The following CNBD1 variants were observed in gnomAD, a reference collection of about 807,000 sequenced individuals.
The protein encoded by CNBD1 is cyclic nucleotide-binding domain-containing protein 1.
In CNBD1, 71 loss-of-function variants were observed where a neutral mutation model predicts 54.4. That is an observed-to-expected ratio of 1.30 (90% CI 1.08 to 1.59). The LOEUF (loss-of-function observed/expected upper bound fraction) is 1.59. Ranked by LOEUF, CNBD1 falls within the 40% of genes most tolerant of loss-of-function variation. The probability of loss-of-function intolerance (pLI) is 0.00; values close to 1 mark genes in which losing one functional copy is unlikely to be tolerated. For synonymous variants in CNBD1, 182 were observed against 170.7 expected (o/e 1.07, Z -0.51); for missense variants, 659 against 518.0 (o/e 1.27, Z -2.64).
At chr8:87,271,610 C>T (rs9886577) in intron 6 of CNBD1, among the ~76,000 whole-genome samples, 93,512 of 151,690 alleles carry the variant, frequency 0.62, 29,078 homozygotes, top group Middle Eastern at 0.68. Context: ...GAATAACAGA[C>T]GCTGTTGAGG....
intron 10 of CNBD1, among the ~76,000 whole-genome samples, chr8:87,356,388 A>G (rs1810420648): frequency 6.6e-6 from 1 of 152,204 alleles, no homozygotes; most frequent in Non-Finnish European, 1.5e-5. Flanking sequence ...GGCCAGGCTT[A>G]TGAGGCCTTA....
chr8:87,108,950 G>A (rs1811601489), intron 4 of CNBD1, among the ~76,000 whole-genome samples: 1 of 152,004 alleles, frequency 6.6e-6, no homozygotes, highest in Non-Finnish European at 1.5e-5. Context: ...AATAGCATTT[G>A]GTAAAAGTTA....
At chr8:87,198,524 T>G (rs1813770924) in intron 4 of CNBD1, among the ~76,000 whole-genome samples, 1 of 152,176 alleles carries the variant, frequency 6.6e-6, no homozygotes, top group East Asian at 1.9e-4. Context: ...CCCGAGGACA[T>G]TCAAATGCTG....
chr8:87,258,417 T>A (rs1050675316), intron 6 of CNBD1, among the ~76,000 whole-genome samples: 1 of 136,798 alleles, frequency 7.3e-6, no homozygotes, highest in Non-Finnish European at 1.6e-5. Flanking sequence ...AATTTTTCTT[T>A]TTTTTATTTC....
intron 4 of CNBD1, among the ~76,000 whole-genome samples, chr8:87,172,153 T>C (rs1813102040): frequency 6.6e-6 from 1 of 152,062 alleles, no homozygotes; most frequent in Non-Finnish European, 1.5e-5. Context: ...CTTCTTGTTA[T>C]TAACAAGAAG....
At chr8:87,319,526 A>T (rs1194898441) in intron 8 of CNBD1, among the ~76,000 whole-genome samples, 1 of 152,094 alleles carries the variant, frequency 6.6e-6, no homozygotes, top group African/African-American at 2.4e-5. Flanking sequence ...AAAAATGAGG[A>T]AGCAAAAAAG....
At chr8:86,868,552 C>G (rs1378595025) in intron 1 of CNBD1, among the ~76,000 whole-genome samples, 1 of 136,592 alleles carries the variant, frequency 7.3e-6, no homozygotes, top group Non-Finnish European at 1.6e-5. Flanking sequence ...AGGCTGGTCT[C>G]TATCTCCTCA....
chr8:87,161,092 G>A (rs1422020202), intron 4 of CNBD1, among the ~76,000 whole-genome samples: 1 of 152,144 alleles, frequency 6.6e-6, no homozygotes, highest in South Asian at 2.1e-4. Flanking sequence ...GGGCTGGAGG[G>A]AGCCAATTCT....
chr8:87,401,086 G>T (rs780979970), intron 2 of CNBD1, among the ~76,000 whole-genome samples: 1 of 151,946 alleles, frequency 6.6e-6, no homozygotes, highest in Non-Finnish European at 1.5e-5. Context: ...GTGTACAAAA[G>T]CTTGCAGTGA....
At chr8:86,880,599 T>G (rs1808593028) in intron 1 of CNBD1, among the ~76,000 whole-genome samples, 1 of 152,196 alleles carries the variant, frequency 6.6e-6, no homozygotes, top group South Asian at 2.1e-4. Flanking sequence ...GATGGACAAC[T>G]GTATTTTGAA....
intron 4 of CNBD1, among the ~76,000 whole-genome samples, chr8:87,036,457 G>A (rs1274950723): frequency 6.6e-6 from 1 of 151,916 alleles, no homozygotes; most frequent in Non-Finnish European, 1.5e-5. Flanking sequence ...AGCCAGGCGT[G>A]GTGGTGGGCG....
chr8:87,006,683 G>A (rs187606284), intron 4 of CNBD1, among the ~76,000 whole-genome samples: 42 of 152,202 alleles, frequency 2.8e-4, no homozygotes, highest in African/African-American at 9.9e-4. Context: ...ACCATACCAG[G>A]CCTCACTTCC....
chr8:86,878,105 T>TGTGTGTGTGTGTGTGTGTGTGA (rs56785226), intron 1 of CNBD1, among the ~76,000 whole-genome samples: 1 of 140,876 alleles, frequency 7.1e-6, no homozygotes, highest in Non-Finnish European at 1.6e-5. Flanking sequence ...TGTGTGTGTG[T>TGTGTGTGTGTGTGTGTGTGTGA]GAGAGAGAGA....
At chr8:87,228,242 G>A (rs551168837) in intron 5 of CNBD1, among the ~76,000 whole-genome samples, 30 of 150,784 alleles carry the variant, frequency 2.0e-4, no homozygotes, top group African/African-American at 5.0e-4. Flanking sequence ...CTCTCAGCTC[G>A]TCAAAGTCCT....
intron 6 of CNBD1, among the ~76,000 whole-genome samples, chr8:87,270,331 A>G (rs191263311): frequency 6.6e-6 from 1 of 152,178 alleles, no homozygotes; most frequent in African/African-American, 2.4e-5. Flanking sequence ...TCAAAAGAAG[A>G]CATATATGTG....
chr8:87,172,259 G>A (rs75644178), intron 4 of CNBD1, among the ~76,000 whole-genome samples: 3,026 of 152,128 alleles, frequency 0.02, 112 homozygotes, highest in African/African-American at 0.069. Flanking sequence ...CAGTTTTTCT[G>A]AATGTTTTAA....
chr8:87,425,740 T>C (rs1448597618), intron 2 of CNBD1, among the ~76,000 whole-genome samples: 5 of 152,062 alleles, frequency 3.3e-5, no homozygotes, highest in Admixed American at 2.6e-4. Flanking sequence ...GACAGGGACA[T>C]TTAAGTCTGC....
chr8:87,098,583 A>G (rs1261785481), intron 4 of CNBD1, among the ~76,000 whole-genome samples: 2 of 152,174 alleles, frequency 1.3e-5, no homozygotes, highest in Non-Finnish European at 1.5e-5. Context: ...AAGCAAGATT[A>G]TGTGGAAATC....
intron 8 of CNBD1, among the ~76,000 whole-genome samples, chr8:87,309,829 C>G (rs1380012806): frequency 2.0e-5 from 3 of 151,906 alleles, no homozygotes. Flanking sequence ...AAAGTCCTAG[C>G]CAGGGCAATC....
Sources: gnomAD v4.1 joint callset for allele counts (sites outside exome capture counted in the v4.1 genomes callset) on GRCh38, gnomAD v4.1.1 for gene constraint, MANE v1.5 for transcripts, NCBI Gene and HGNC (gene_info 2026-07-23, HGNC 2026-07-21) for gene names.